TMEM132B: variants seen among roughly 807,000 people sequenced by gnomAD.
TMEM132B encodes transmembrane protein 132B.
TMEM132B carries 18 observed loss-of-function variants against 90.8 expected under a neutral mutation model. The observed-to-expected ratio is 0.20, with a 90% CI of 0.14 to 0.29. TMEM132B has a LOEUF of 0.29. TMEM132B is among the 10% of genes least tolerant of loss of function. The pLI, the probability that TMEM132B is intolerant of heterozygous loss-of-function variation, is 1.00. For synonymous variants in TMEM132B, 504 were observed against 523.3 expected, an observed-to-expected ratio of 0.96 and a Z score of 0.50; for missense variants, 1,096 against 1,326.8, an observed-to-expected ratio of 0.83 and a Z score of 2.70.
intron 1 of TMEM132B, among the ~76,000 whole-genome samples, chr12:125,315,274 C>T (rs1446913369): frequency 6.6e-6 from 1 of 152,234 alleles, no homozygotes; most frequent in African/African-American, 2.4e-5. Flanking sequence ...TCTCAGCTCA[C>T]GGCAACCTCC....
intron 3 of TMEM132B, among the ~76,000 whole-genome samples, chr12:125,485,583 C>T (rs1252685890): frequency 6.6e-6 from 1 of 152,142 alleles, no homozygotes; most frequent in Non-Finnish European, 1.5e-5. Context: ...TAGTGATACC[C>T]AACACCTCTT....
chr12:125,247,145 C>A (rs956700967), intron 1 of TMEM132B, among the ~76,000 whole-genome samples: 4 of 152,184 alleles, frequency 2.6e-5, no homozygotes, highest in African/African-American at 9.7e-5. Context: ...CTGACTGTTA[C>A]GCCTTATTTT....
chr12:125,488,906 A>G (rs1882278174), intron 3 of TMEM132B, among the ~76,000 whole-genome samples: 1 of 152,232 alleles, frequency 6.6e-6, no homozygotes, highest in Admixed American at 6.5e-5. Context: ...CAGATTAGAA[A>G]ATAAGGGACA....
chr12:125,637,256 A>G (rs1886507517), intron 5 of TMEM132B, among the ~76,000 whole-genome samples: 1 of 152,224 alleles, frequency 6.6e-6, no homozygotes, highest in South Asian at 2.1e-4. Flanking sequence ...TTAAATACAC[A>G]AAAACTAAGA....
At chr12:125,289,792 A>G (rs1366370890) in intron 1 of TMEM132B, among the ~76,000 whole-genome samples, 1 of 152,216 alleles carries the variant, frequency 6.6e-6, no homozygotes, top group African/African-American at 2.4e-5. Context: ...TCTGAGCCCA[A>G]GTGGCTCCAG....
At chr12:125,386,323 G>T (rs1204675658) in intron 2 of TMEM132B, among the ~76,000 whole-genome samples, 1 of 152,158 alleles carries the variant, frequency 6.6e-6, no homozygotes, top group Non-Finnish European at 1.5e-5. Flanking sequence ...AGTCTAGATG[G>T]ACGCATGGTG....
At chr12:125,461,647 A>G (rs1881438640) in intron 3 of TMEM132B, among the ~76,000 whole-genome samples, 1 of 152,208 alleles carries the variant, frequency 6.6e-6, no homozygotes, top group Non-Finnish European at 1.5e-5. Context: ...ACACATCTTC[A>G]TTCCAGTTTG....
chr12:125,219,860 AG>A (rs898258359), intron 1 of TMEM132B, among the ~76,000 whole-genome samples: 3 of 152,218 alleles, frequency 2.0e-5, no homozygotes, highest in African/African-American at 7.2e-5. Context: ...TGTTTCCCCC[AG>A]GGGTCCCCCA....
intron 5 of TMEM132B, among the ~76,000 whole-genome samples, chr12:125,631,452 T>C (rs940437937): frequency 1.3e-5 from 2 of 152,180 alleles, no homozygotes; most frequent in Non-Finnish European, 2.9e-5. Context: ...AGGAGAAGAA[T>C]GTATATTCTG....
intron 2 of TMEM132B, among the ~76,000 whole-genome samples, chr12:125,403,903 T>C (rs1309696442): frequency 6.6e-6 from 1 of 152,202 alleles, no homozygotes; most frequent in Non-Finnish European, 1.5e-5. Context: ...GGCTCAAGAT[T>C]GAGCACTCAG....
intron 4 of TMEM132B, among the ~76,000 whole-genome samples, chr12:125,576,043 A>G (rs895397156): frequency 2.6e-5 from 4 of 152,082 alleles, no homozygotes; most frequent in Admixed American, 2.0e-4. Context: ...TAGCAATTAC[A>G]TTGAATCTAT....
At chr12:125,230,978 A>G (rs1204236732) in intron 1 of TMEM132B, among the ~76,000 whole-genome samples, 1 of 152,168 alleles carries the variant, frequency 6.6e-6, no homozygotes, top group African/African-American at 2.4e-5. Context: ...TGCCATATCA[A>G]ATTGCCACAA....
intron 3 of TMEM132B, among the ~76,000 whole-genome samples, chr12:125,418,535 A>G (rs1340315284): frequency 6.6e-6 from 1 of 152,200 alleles, no homozygotes; most frequent in Non-Finnish European, 1.5e-5. Context: ...GTTGAATTGT[A>G]ATATCAAATG....
chr12:125,537,613 A>T (rs1024971482), intron 4 of TMEM132B, among the ~76,000 whole-genome samples: 2 of 152,202 alleles, frequency 1.3e-5, no homozygotes, highest in Admixed American at 1.3e-4. Context: ...CTGTTTCCAC[A>T]TGACAAAGGC....
At chr12:125,570,774 T>G (rs978147102) in intron 4 of TMEM132B, among the ~76,000 whole-genome samples, 2 of 152,172 alleles carry the variant, frequency 1.3e-5, no homozygotes, top group Non-Finnish European at 1.5e-5. Context: ...ACATCTGCCT[T>G]GCGATTTTAA....
At position 125,186,527 on chromosome 12, in the gene TMEM132B, C is replaced by G. The variant is rs1177674944; in HGVS notation, c.-273C>G. Among the ~76,000 whole-genome samples, 1 of 146,556 alleles carries G rather than the reference C, an allele frequency of 6.8e-6. No individual in the cohort carries two copies. The highest frequency in any genetic ancestry group is 2.4e-5 in the African/African-American group (1 of 40,898). The stretch of plus-strand genomic sequence containing the variant: ...GCGGCGGGGGCCGCGCAACTCGGGC[C>G]AACTGCGGGGCAGCCGGCCAGGGCG... On this transcript the variant is annotated 5_prime_UTR_variant, in exon 1 of 9. Transcript: ENST00000682704. The surrounding 1 kb of genome is among the most constrained non-coding windows in gnomAD (Gnocchi z 6.3).
intron 3 of TMEM132B, among the ~76,000 whole-genome samples, chr12:125,484,651 G>C (rs1019071420): frequency 1.3e-3 from 194 of 152,110 alleles, no homozygotes; most frequent in African/African-American, 4.3e-3. Flanking sequence ...TTATTATTGT[G>C]ACAGGGTCTT....
intron 1 of TMEM132B, among the ~76,000 whole-genome samples, chr12:125,194,243 C>T (rs550707814): frequency 5.9e-4 from 90 of 151,826 alleles, no homozygotes; most frequent in African/African-American, 2.1e-3. Flanking sequence ...GCTCGGTGCT[C>T]CGAGCCTGGT....
At chr12:125,358,508 G>GT (rs891948839) in intron 2 of TMEM132B, among the ~76,000 whole-genome samples, 7 of 151,938 alleles carry the variant, frequency 4.6e-5, no homozygotes, top group African/African-American at 9.7e-5. Flanking sequence ...CCTTCATTCT[G>GT]TTTTTTTACA....
Sources: gnomAD v4.1 joint callset for allele counts (sites outside exome capture counted in the v4.1 genomes callset) on GRCh38, gnomAD v4.1.1 for gene constraint, Gnocchi (gnomAD v3.1) non-coding constraint, MANE v1.5 for transcripts, NCBI Gene and HGNC (gene_info 2026-07-23, HGNC 2026-07-21) for gene names.